LTBP1: variants seen among roughly 807,000 people sequenced by gnomAD.
LTBP1 encodes latent-transforming growth factor beta-binding protein 1.
LTBP1 carries 129 observed loss-of-function variants against 207.6 expected under a neutral mutation model. That is an observed-to-expected ratio of 0.62 (90% CI 0.54 to 0.72). The LOEUF is 0.72. LTBP1 is among the 30% of genes least tolerant of loss of function. The pLI, the probability that LTBP1 is intolerant of heterozygous loss-of-function variation, is 0.00. For synonymous variants in LTBP1, 963 were observed against 833.7 expected, an observed-to-expected ratio of 1.16 and a Z score of -2.67; for missense variants, 2,281 against 2,217.2, an observed-to-expected ratio of 1.03 and a Z score of -0.58.
chr2:33,020,073 G>C (rs1361699234), intron 2 of LTBP1, among the ~76,000 whole-genome samples: 10 of 152,136 alleles, frequency 6.6e-5, no homozygotes. Context: ...ATACATCCTT[G>C]CAAATAGGAG....
chr2:33,277,760 C>CCTTTCTTTCTTTTCTTT (rs2093460214), intron 18 of LTBP1, among the ~76,000 whole-genome samples: 2 of 95,426 alleles, frequency 2.1e-5, no homozygotes, highest in African/African-American at 1.1e-4. Flanking sequence ...TTTTTTTTTC[C>CCTTTCTTTCTTTTCTTT]CTTTCTTTCT....
At chr2:33,028,281 G>A (rs1012526091) in intron 3 of LTBP1, among the ~76,000 whole-genome samples, 2 of 152,162 alleles carry the variant, frequency 1.3e-5, no homozygotes, top group Non-Finnish European at 2.9e-5. Flanking sequence ...TAATGTTTTG[G>A]TGCTATGTAA....
chr2:32,988,599 T>C (rs1425092604), intron 2 of LTBP1, among the ~76,000 whole-genome samples: 1 of 152,252 alleles, frequency 6.6e-6, no homozygotes, highest in Non-Finnish European at 1.5e-5. Context: ...TAATCTATTC[T>C]TAGAGTTCAC....
At chr2:33,396,163 A>C (rs865877344) in intron 32 of LTBP1, among the ~76,000 whole-genome samples, 6 of 143,864 alleles carry the variant, frequency 4.2e-5, no homozygotes, top group Middle Eastern at 7.1e-3. Context: ...TTAAAAAAAA[A>C]CTTTTGGTTC....
intron 3 of LTBP1, among the ~76,000 whole-genome samples, chr2:33,039,643 A>T (rs1056035845): frequency 6.6e-6 from 1 of 152,226 alleles, no homozygotes; most frequent in African/African-American, 2.4e-5. Flanking sequence ...TGTCTAAATC[A>T]TTGAGAAATT....
At chr2:33,390,684 G>T (rs1051627379) in intron 32 of LTBP1, among the ~76,000 whole-genome samples, 2 of 151,978 alleles carry the variant, frequency 1.3e-5, no homozygotes, top group African/African-American at 4.8e-5. Context: ...GAGATGGGGG[G>T]TTTCACCATG....
chr2:33,159,259 G>A (rs1384457339), intron 5 of LTBP1, among the ~76,000 whole-genome samples: 1 of 152,118 alleles, frequency 6.6e-6, no homozygotes, highest in African/African-American at 2.4e-5. Context: ...AAAAATATGG[G>A]TCCTTTCAGC....
At chr2:33,393,627 T>A (rs1463829247) in intron 32 of LTBP1, among the ~76,000 whole-genome samples, 2 of 152,182 alleles carry the variant, frequency 1.3e-5, no homozygotes, top group African/African-American at 4.8e-5. Context: ...GAACTCATCA[T>A]TTTTTATGGC....
intron 7 of LTBP1, among the ~76,000 whole-genome samples, chr2:33,205,412 A>G (rs1278520420): frequency 2.6e-5 from 4 of 152,224 alleles, no homozygotes; most frequent in Non-Finnish European, 5.9e-5. Context: ...AATTGTGGGT[A>G]AATATATTAG....
intron 5 of LTBP1, among the ~76,000 whole-genome samples, chr2:33,149,977 AT>A (rs1032799146): frequency 1.3e-5 from 2 of 152,188 alleles, no homozygotes; most frequent in African/African-American, 2.4e-5. Context: ...TTGAAGGATC[AT>A]TTTGCCAAGT....
chr2:32,980,967 T>C (rs1276026168), intron 2 of LTBP1, among the ~76,000 whole-genome samples: 1 of 152,226 alleles, frequency 6.6e-6, no homozygotes. Context: ...CTCCATTGTA[T>C]GTTACTTGTT....
intron 24 of LTBP1, among the ~76,000 whole-genome samples, chr2:33,341,396 T>C (rs915371640): frequency 1.3e-5 from 2 of 151,712 alleles, no homozygotes; most frequent in Non-Finnish European, 2.9e-5. Context: ...TTGTTTGTTT[T>C]GAGTTGAGAA....
At chr2:33,188,875 T>C in intron 7 of LTBP1, 24 bp downstream of exon 7, 1 of 1,610,392 alleles carries the variant, frequency 6.2e-7, no homozygotes, top group Non-Finnish European at 8.5e-7. Context: ...CCGAGCCTGC[T>C]TTAGCAGTGT....
intron 3 of LTBP1, among the ~76,000 whole-genome samples, chr2:33,102,131 C>G (rs1224448626): frequency 1.3e-5 from 2 of 152,120 alleles, no homozygotes; most frequent in African/African-American, 4.8e-5. Flanking sequence ...TTTCTGTGTG[C>G]CTGGCCTCAT....
intron 32 of LTBP1, among the ~76,000 whole-genome samples, chr2:33,392,183 A>AC (rs1553321287): frequency 1.9e-4 from 28 of 148,278 alleles, no homozygotes; most frequent in Admixed American, 1.8e-3. Flanking sequence ...GCCAGGTAGT[A>AC]TTTTTTTTTT....
intron 1 of LTBP1, among the ~76,000 whole-genome samples, 198 bp from the exon 2 acceptor site, chr2:32,948,677 A>T (rs1676644658): frequency 6.6e-6 from 1 of 152,146 alleles, no homozygotes; most frequent in Admixed American, 6.5e-5. Flanking sequence ...TTCTCCCAGC[A>T]TTCCCTGATA....
chr2:33,250,828 A>T (rs1232283130), intron 10 of LTBP1, among the ~76,000 whole-genome samples: 1 of 152,138 alleles, frequency 6.6e-6, no homozygotes, highest in Non-Finnish European at 1.5e-5. Flanking sequence ...TACCACTACC[A>T]TCACAGCTGG....
At chr2:33,228,590 A>G (rs35350472) in intron 9 of LTBP1, among the ~76,000 whole-genome samples, 117 of 151,802 alleles carry the variant, frequency 7.7e-4, no homozygotes, top group Non-Finnish European at 1.4e-3. Flanking sequence ...AAACAATCCT[A>G]TGAGATTTGG....
chr2:33,037,148 G>A (rs1477345442), intron 3 of LTBP1, among the ~76,000 whole-genome samples: 2 of 151,296 alleles, frequency 1.3e-5, no homozygotes, highest in South Asian at 4.2e-4. Context: ...ACTATTTATT[G>A]ACTAATTCTC....
Sources: gnomAD v4.1 joint callset for allele counts (sites outside exome capture counted in the v4.1 genomes callset) on GRCh38, gnomAD v4.1.1 for gene constraint, MANE v1.5 for transcripts, NCBI Gene and HGNC (gene_info 2026-07-23, HGNC 2026-07-21) for gene names.